Variants in SFPQ observed in about 807,000 individuals in gnomAD.
SFPQ encodes splicing factor proline and glutamine rich, also known as splicing factor, proline- and glutamine-rich.
SFPQ carries 11 observed loss-of-function variants against 72.9 expected under a neutral mutation model. That is an observed-to-expected ratio of 0.15 (90% CI 0.09 to 0.25). SFPQ has a LOEUF of 0.25. SFPQ is among the 10% of genes least tolerant of loss of function. SFPQ has a pLI of 1.00. For missense variants in SFPQ, 847 were observed against 993.3 expected, an observed-to-expected ratio of 0.85 and a Z score of 1.98; for synonymous variants, 506 against 367.3, an observed-to-expected ratio of 1.38 and a Z score of -4.32.
chr1:35,182,390 C>T (rs999440430), downstream of SFPQ: 1 of 985,354 alleles, frequency 1.0e-6, no homozygotes, highest in South Asian at 4.7e-5. Flanking sequence ...GGTAAAACTA[C>T]TCATATTTCC....
chr1:35,189,460 T>A (rs72657982), intron 4 of SFPQ, 78 bp from the exon 5 acceptor site: 33,378 of 1,167,480 alleles, frequency 0.029, 567 homozygotes, highest in Middle Eastern at 0.038. Flanking sequence ...ACTGATCTTT[T>A]TCCTGTTCTA....
At chr1:35,186,455 A>C (rs1034532850) in intron 9 of SFPQ, among the ~76,000 whole-genome samples, 3 of 152,210 alleles carry the variant, frequency 2.0e-5, no homozygotes, top group African/African-American at 7.2e-5. Context: ...TTTAGAAGGT[A>C]TACCTACAGA....
chr1:35,186,340 G>C (rs1225689962), intron 9 of SFPQ, among the ~76,000 whole-genome samples: 1 of 152,132 alleles, frequency 6.6e-6, no homozygotes, highest in Non-Finnish European at 1.5e-5. Flanking sequence ...ATTCACAGCT[G>C]AAACATGATA....
Position 35,184,071 on chromosome 1 carries a change from C to CGTA in SFPQ, c.*382_*384dup. ...ACTCTCATGCTTTCAATGTGGAATA[C>CGTA]GTAGCCTAATATGCATAGAAGCATG... On this transcript the variant is annotated 3_prime_UTR_variant, in exon 10 of 10. Transcript: ENST00000357214. 1.0e-5 allele frequency: 11 copies of CGTA among 1,085,676 alleles called. No individual in the cohort carries two copies. Among genetic ancestry groups the CGTA allele is most frequent in the Non-Finnish European group, 1.2e-5 (11 of 894,184 alleles). 67.3% of individuals were successfully genotyped at this position (1,085,676 alleles called of 1,614,324 possible).
chr1:35,179,363 C>T, downstream of SFPQ: 1 of 1,057,696 alleles, frequency 9.5e-7, no homozygotes, highest in Non-Finnish European at 1.1e-6. Context: ...ATGAAGAGCA[C>T]CCATTGCATT....
downstream of SFPQ, chr1:35,179,341 T>C (rs1406269346): frequency 9.5e-7 from 1 of 1,057,786 alleles, no homozygotes; most frequent in Non-Finnish European, 1.1e-6. Flanking sequence ...CTTGGTAGGT[T>C]TGCAACCTTG....
intron 9 of SFPQ, 74 bp downstream of exon 9, chr1:35,186,927 A>T (rs540240935): frequency 6.7e-7 from 1 of 1,503,732 alleles, no homozygotes; most frequent in Non-Finnish European, 9.0e-7. Flanking sequence ...AAAAAACAAA[A>T]CAAAACAAAA....
At chr1:35,181,410 C>T (rs989302882), downstream of SFPQ, 3 of 1,063,610 alleles carry the variant, frequency 2.8e-6, no homozygotes, top group Non-Finnish European at 3.4e-6. Context: ...ATTGCACAGG[C>T]GTAACATTAC....
chr1:35,179,380 ATCTT>A, downstream of SFPQ: 1 of 1,057,184 alleles, frequency 9.5e-7, no homozygotes, highest in Non-Finnish European at 1.1e-6. Context: ...CATTTCTTTC[ATCTT>A]TCAGAAAGCA....
At chr1:35,186,688 C>CA (rs1250106138) in intron 9 of SFPQ, among the ~76,000 whole-genome samples, 1 of 152,140 alleles carries the variant, frequency 6.6e-6, no homozygotes, top group Non-Finnish European at 1.5e-5. Flanking sequence ...CATTATCTAG[C>CA]ATCTAGAATT....
chr1:35,178,525 G>A (rs1400774918), downstream of SFPQ: 1 of 1,061,896 alleles, frequency 9.4e-7, no homozygotes, highest in Non-Finnish European at 1.1e-6. Context: ...CAACGCTGTA[G>A]TTGTTGTCCT....
downstream of SFPQ, chr1:35,182,121 CTG>C: frequency 1.0e-6 from 1 of 985,374 alleles, no homozygotes; most frequent in Non-Finnish European, 1.2e-6. Context: ...GAAAAATAAA[CTG>C]AAACATTAAT....
At chr1:35,181,939 T>C (rs1639486434), downstream of SFPQ, 1 of 985,302 alleles carries the variant, frequency 1.0e-6, no homozygotes, top group East Asian at 1.1e-4. Flanking sequence ...GCAACATTAT[T>C]TGCTAAACAA....
At chr1:35,179,289 C>T, downstream of SFPQ, 2 of 1,059,894 alleles carry the variant, frequency 1.9e-6, no homozygotes, top group Non-Finnish European at 2.3e-6. Flanking sequence ...AAACTAGTCA[C>T]ACGCATCTCT....
At position 35,184,272 on chromosome 1, in the gene SFPQ, TCTC is replaced by T. The variant is rs1477582293; in HGVS notation, c.*181_*183del. The stretch of plus-strand genomic sequence containing the variant: ...AAAGAAATAAAAAGGAAAAAAAAAT[TCTC>T]CTGTTCCAAACACTGCATTACATAA... On this transcript the variant is annotated 3_prime_UTR_variant, in exon 10 of 10. Coordinates refer to ENST00000357214, the MANE Select transcript of SFPQ (RefSeq NM_005066.3). The T allele has an allele frequency of 1.0e-5, 14 of 1,358,960 alleles. No homozygotes were observed. In the East Asian group the frequency reaches 3.7e-4, roughly 36 times the overall value. The allele number at this position is 1,358,960 out of a possible 1,614,324, so 84.2% of individuals were successfully genotyped here. A position where few individuals can be genotyped will look rare whatever the true frequency, so the allele number is the denominator to read the frequency against.
chr1:35,192,835 G>T lies in SFPQ; in HGVS notation c.215C>A (p.Pro72Gln). ...CTGCGGCGGTGGCTGCTGCGGTGGT[G>T]GCTGTTGCTGCTGTTGGTGTGGAGG... The part of the protein sequence containing the change: ...PPPPHQQQQQ[P>Q]PPQQPPPQQP... The change falls in exon 1 of 10, where the codon CCA becomes CAA. Residue 72 changes from proline (P) to glutamine (Q), a missense_variant. Around this residue, in one of 6 missense-constraint regions of SFPQ, gnomAD observed 498 missense variants for 405.1 expected, o/e 1.23. Coordinates refer to ENST00000357214, the MANE Select transcript of SFPQ (RefSeq NM_005066.3). The T allele has an allele frequency of 3.9e-6, 6 of 1,522,486 alleles. No individual in the cohort carries two copies. The highest frequency in any genetic ancestry group is 4.4e-6 in the Non-Finnish European group (5 of 1,142,472). The allele number at this position is 1,522,486 out of a possible 1,614,324, so 94.3% of individuals were successfully genotyped here.
chr1:35,190,208 T>A (rs1014545919), intron 4 of SFPQ, among the ~76,000 whole-genome samples: 81 of 152,196 alleles, frequency 5.3e-4, no homozygotes, highest in African/African-American at 1.8e-3. Context: ...TGCAGAGAGC[T>A]GAGGTCATGC....
At position 35,192,357 on chromosome 1, in the gene SFPQ, G is replaced by A; in HGVS notation, c.693C>T (p.Pro231=). The A allele has an allele frequency of 1.4e-6, 2 of 1,389,716 alleles. No individual in the cohort carries two copies. The highest frequency in any genetic ancestry group is 1.8e-6 in the Non-Finnish European group (2 of 1,084,940). The allele number at this position is 1,389,716 out of a possible 1,614,324, so 86.1% of individuals were successfully genotyped here. A position where few individuals can be genotyped will look rare whatever the true frequency, so the allele number is the denominator to read the frequency against. Reference sequence around the variant, plus strand: ...CCCCGCCGCCTCGATGCGGCGGCTTGGGGTGGCCGCCAGGCGTACTTAGGC... The same window carrying A: ...CCCCGCCGCCTCGATGCGGCGGCTTAGGGTGGCCGCCAGGCGTACTTAGGC... ...GPGLSTPGGH[P]KPPHRGGGEP... Residue 231 remains proline, a synonymous_variant, in exon 1 of 10, where the codon CCC becomes CCT. Transcript: ENST00000357214.
chr1:35,189,347 C>T lies in SFPQ; in HGVS notation c.1451G>A (p.Gly484Asp), dbSNP rs1168826227. 1 of 1,613,916 alleles carries T rather than the reference C, an allele frequency of 6.2e-7. No individual in the cohort carries two copies. The highest frequency in any genetic ancestry group is 8.5e-7 in the Non-Finnish European group (1 of 1,179,982). ...RETPPRFAQH[G>D]TFEYEYSQRW... ...CTGAGAATATTCGTACTCAAACGTG[C>T]CATGCTGGGCAAAACGAGGAGGGGT... Residue 484 changes from glycine to aspartate, a missense_variant, in exon 5 of 10, where the codon GGC becomes GAC. Physicochemically the swap from Gly to Asp is moderately conservative, Grantham distance 94. This residue lies in a region of SFPQ where 132 missense variants were observed against 255.4 expected (regional missense o/e 0.52). Transcript: ENST00000357214.
Sources: allele counts gnomAD v4.1 joint callset (sites outside exome capture counted in the v4.1 genomes callset), GRCh38; gene constraint gnomAD v4.1.1; regional missense constraint gnomAD v4.1.1; transcripts MANE v1.5; gene names NCBI Gene and HGNC (gene_info 2026-07-23, HGNC 2026-07-21).